SGCG: variants seen among roughly 807,000 people sequenced by gnomAD.
SGCG encodes the protein sarcoglycan gamma.
SGCG carries 26 observed loss-of-function variants against 29.3 expected under a neutral mutation model. That is an observed-to-expected ratio of 0.89 (90% CI 0.65 to 1.23). The LOEUF (loss-of-function observed/expected upper bound fraction) is 1.23, where lower values mean the gene tolerates loss of function less well. Ranked by LOEUF, SGCG falls within the 50% of genes most tolerant of loss-of-function variation. The pLI is 0.00. For synonymous variants in SGCG, 145 were observed against 129.7 expected, an observed-to-expected ratio of 1.12 and a Z score of -0.80; for missense variants, 353 against 356.0, an observed-to-expected ratio of 0.99 and a Z score of 0.07.
intron 2 of SGCG, among the ~76,000 whole-genome samples, chr13:23,231,905 G>A (rs1028842650): frequency 4.6e-5 from 7 of 152,102 alleles, no homozygotes; most frequent in African/African-American, 1.7e-4. Flanking sequence ...GATCACCTGA[G>A]GTCAGGAGTT....
At chr13:23,204,544 G>T (rs1169429503) in intron 2 of SGCG, among the ~76,000 whole-genome samples, 1 of 152,134 alleles carries the variant, frequency 6.6e-6, no homozygotes, top group Non-Finnish European at 1.5e-5. Flanking sequence ...TCAGTCTGTT[G>T]CTTACATGCA....
At position 23,292,438 on chromosome 13, in the gene SGCG, C is replaced by A. The variant is rs987096338; in HGVS notation, c.506-2977C>A. Among the ~76,000 whole-genome samples, 4 of 152,200 alleles carry A rather than the reference C, an allele frequency of 2.6e-5. No individual in the cohort carries two copies. The South Asian group carries it at 8.3e-4, about 31-fold the overall frequency. On this transcript the variant is annotated intron_variant, in intron 5 of 7. Coordinates refer to ENST00000218867, the MANE Select transcript of SGCG (RefSeq NM_000231.3). ...TTTCTCTTTCTAATAAAACTCCCAA[C>A]TTTCTCTTTGTTCTTTGGAGATATG...
chr13:23,204,422 A>G (rs1008452339), intron 2 of SGCG, among the ~76,000 whole-genome samples: 1 of 152,152 alleles, frequency 6.6e-6, no homozygotes, highest in Admixed American at 6.5e-5. Flanking sequence ...ATAATTTTGT[A>G]TTCTTTGATA....
intron 2 of SGCG, among the ~76,000 whole-genome samples, chr13:23,222,264 A>G (rs1016605500): frequency 6.6e-6 from 1 of 152,192 alleles, no homozygotes; most frequent in African/African-American, 2.4e-5. Flanking sequence ...TCATTACTCT[A>G]TTAAATGTGT....
At position 23,295,432 on chromosome 13, in the gene SGCG, T is replaced by A. The variant is rs1222731463; in HGVS notation, c.523T>A (p.Phe175Ile). The A allele has an allele frequency of 6.2e-7, 1 of 1,613,998 alleles. No individual in the cohort carries two copies. The highest frequency in any genetic ancestry group is 1.3e-5 in the African/African-American group (1 of 74,932). Residue 175 changes from phenylalanine (F) to isoleucine (I), a missense_variant, in exon 6 of 8, where the codon TTT (phenylalanine) becomes ATT (isoleucine). Phe to Ile is a conservative substitution (Grantham distance 21). Transcript: ENST00000218867. ...TTGTTTAGGGCCTGAAGGGGCTCTT[T>A]TTGAACATTCAGTGGAGACACCCCT... ...LRVTGPEGAL[F>I]EHSVETPLVR...
At chr13:23,245,397 G>A (rs2137560072) in intron 3 of SGCG, 1 of 152,276 alleles carries the variant, frequency 6.6e-6, no homozygotes. Context: ...ATTGACTTAT[G>A]TGAGGGTTCT....
At chr13:23,234,585 C>G in intron 2 of SGCG, 26 bp from the exon 3 acceptor site, 4 of 1,401,642 alleles carry the variant, frequency 2.9e-6, no homozygotes, top group Non-Finnish European at 4.0e-6. Context: ...AAAATATACG[C>G]ATTGTCTCTT....
At chr13:23,312,724 G>A (rs780657178) in intron 6 of SGCG, among the ~76,000 whole-genome samples, 10 of 152,004 alleles carry the variant, frequency 6.6e-5, no homozygotes, top group African/African-American at 1.7e-4. Flanking sequence ...GTAACAAAAC[G>A]ACACTTGTAC....
chr13:23,193,258 G>A (rs1325009847), intron 1 of SGCG, among the ~76,000 whole-genome samples: 1 of 152,250 alleles, frequency 6.6e-6, no homozygotes, highest in East Asian at 1.9e-4. Flanking sequence ...TGGAGCTGGA[G>A]AGGCTGGCTG....
At chr13:23,236,435 T>G (rs974734214) in intron 3 of SGCG, among the ~76,000 whole-genome samples, 2 of 152,102 alleles carry the variant, frequency 1.3e-5, no homozygotes, top group Non-Finnish European at 2.9e-5. Flanking sequence ...CCCAGCACTT[T>G]GGGAGGCCGA....
chr13:23,231,594 T>C (rs931476608), intron 2 of SGCG, among the ~76,000 whole-genome samples: 15 of 152,234 alleles, frequency 9.9e-5, no homozygotes, highest in Admixed American at 6.5e-5. Flanking sequence ...GAAATTCTGC[T>C]TTGTTTAACT....
At chr13:23,232,896 T>C (rs895791865) in intron 2 of SGCG, among the ~76,000 whole-genome samples, 18 of 152,200 alleles carry the variant, frequency 1.2e-4, no homozygotes, top group African/African-American at 4.1e-4. Context: ...TCCATGTGGA[T>C]GGCTGCTATC....
At chr13:23,258,084 A>G (rs1279997120) in intron 4 of SGCG, among the ~76,000 whole-genome samples, 1 of 152,182 alleles carries the variant, frequency 6.6e-6, no homozygotes, top group Non-Finnish European at 1.5e-5. Context: ...TTCTGTGAAG[A>G]AAGTCATTGG....
chr13:23,168,615 A>T, the SGCG span, among the ~76,000 whole-genome samples: 1 of 152,230 alleles, frequency 6.6e-6, no homozygotes, highest in Non-Finnish European at 1.5e-5. Flanking sequence ...TCTGTATACA[A>T]TAATGGACAT....
chr13:23,292,839 G>A (rs1447096863), intron 5 of SGCG, among the ~76,000 whole-genome samples: 10 of 152,148 alleles, frequency 6.6e-5, no homozygotes, highest in Non-Finnish European at 1.2e-4. Context: ...ATAAACCACA[G>A]TAAATATACT....
intron 4 of SGCG, among the ~76,000 whole-genome samples, chr13:23,278,270 C>A (rs1881165519): frequency 1.3e-5 from 2 of 151,884 alleles, no homozygotes; most frequent in African/African-American, 4.8e-5. Context: ...ATAGTAAAAC[C>A]CCGTCTCTAC....
At chr13:23,200,425 AAAAC>A (rs773108641) in intron 1 of SGCG, among the ~76,000 whole-genome samples, 29 of 152,098 alleles carry the variant, frequency 1.9e-4, no homozygotes, top group Admixed American at 9.2e-4. Context: ...TCTGTTTCAA[AAAAC>A]AAACAAACAA....
At chr13:23,321,459 T>C (rs521600) in intron 7 of SGCG, among the ~76,000 whole-genome samples, 24,167 of 152,162 alleles carry the variant, frequency 0.16, 2,360 homozygotes, top group African/African-American at 0.27. Context: ...ATGAAGTGAT[T>C]ATGACAATAT....
chr13:23,264,358 A>G (rs573514722), intron 4 of SGCG, among the ~76,000 whole-genome samples: 2 of 152,198 alleles, frequency 1.3e-5, no homozygotes, highest in Non-Finnish European at 1.5e-5. Context: ...ATACCGAGAA[A>G]TATACTTAAC....
Sources: gnomAD v4.1 joint callset for allele counts (sites outside exome capture counted in the v4.1 genomes callset) on GRCh38, gnomAD v4.1.1 for gene constraint, MANE v1.5 for transcripts, NCBI Gene and HGNC (gene_info 2026-07-23, HGNC 2026-07-21) for gene names.